Variants in FASN observed in about 807,000 individuals in gnomAD.
FASN encodes the protein fatty acid synthase.
FASN carries 50 observed loss-of-function variants against 250.0 expected under a neutral mutation model. The ratio of observed to expected loss-of-function variants is 0.20; its 90% CI spans 0.16 to 0.25. FASN has a LOEUF of 0.25. Ranked by LOEUF, FASN falls within the 10% of genes least tolerant of loss-of-function variation. The probability of loss-of-function intolerance (pLI) is 1.00; values close to 1 mark genes in which losing one functional copy is unlikely to be tolerated. For synonymous variants in FASN, 1,909 were observed against 1,584.0 expected, an observed-to-expected ratio of 1.21 and a Z score of -4.87; for missense variants, 3,031 against 3,498.5, an observed-to-expected ratio of 0.87 and a Z score of 3.37.
In FASN at chr17:82,089,722, C is replaced by G. The variant is rs777129558; in HGVS notation, c.1875G>C (p.Leu625Phe). 3.2e-6 allele frequency: 5 copies of G among 1,579,288 alleles called. No individual in the cohort carries two copies. The highest frequency in any genetic ancestry group is 4.3e-6 in the Non-Finnish European group (5 of 1,165,070). The change falls in exon 12 of 43, where the codon TTG becomes TTC. Residue 625 changes from leucine to phenylalanine, a missense_variant. Coordinates refer to ENST00000306749, the MANE Select transcript of FASN (RefSeq NM_004104.5). ...AGCGCTGTTTACACTCCTCCCAGGA[C>G]AAGCCTATGGCAGAGCCAGCCTCAG... ...LPPGAMAAVGLSWEECKQRCP... is the reference protein window; with the variant it reads ...LPPGAMAAVGFSWEECKQRCP...
chr17:82,079,899 G>A (rs891571084), intron 41 of FASN: 7 of 626,618 alleles, frequency 1.1e-5, no homozygotes, highest in Non-Finnish European at 1.9e-5. Flanking sequence ...GTAGAGAAGG[G>A]GTTTCTCCAC....
At chr17:82,086,874 G>C (rs1028841424) in intron 21 of FASN, among the ~76,000 whole-genome samples, 176 bp downstream of exon 21, 2 of 151,934 alleles carry the variant, frequency 1.3e-5, no homozygotes, top group African/African-American at 4.8e-5. Flanking sequence ...GACGAGGAAG[G>C]CTGGGGGCTG....
At chr17:82,092,334 G>T (rs2034226005) in intron 8 of FASN, 121 bp downstream of exon 8, 4 of 1,059,496 alleles carry the variant, frequency 3.8e-6, no homozygotes, top group Non-Finnish European at 4.2e-6. Context: ...GGGGACAGAG[G>T]CTCCTGGTGG....
At chr17:82,094,572 C>T (rs183557111) in intron 3 of FASN, among the ~76,000 whole-genome samples, 15 of 151,928 alleles carry the variant, frequency 9.9e-5, no homozygotes, top group Admixed American at 3.3e-4. Context: ...GGATGGATCA[C>T]GAGGTCAAGA....
At chr17:82,090,739 C>T (rs2034189933) in intron 10 of FASN, 143 bp downstream of exon 10, 2 of 1,119,258 alleles carry the variant, frequency 1.8e-6, no homozygotes, top group African/African-American at 3.1e-5. Flanking sequence ...CCCTCCTCCC[C>T]TCCCGTCCTG....
At position 82,090,941 on chromosome 17, in the gene FASN, T is replaced by C. The variant is rs2034193421; in HGVS notation, c.1621A>G (p.Thr541Ala). The C allele has an allele frequency of 5.0e-6, 8 of 1,612,642 alleles. No homozygotes were observed. The highest frequency in any genetic ancestry group is 1.3e-5 in the African/African-American group (1 of 75,050). The change falls in exon 10 of 43, where the codon ACA (threonine) becomes GCA (alanine). Residue 541 changes from threonine (T) to alanine (A), a missense_variant. By Grantham distance (58) the Thr-to-Ala change is moderately conservative (BLOSUM62 0). Coordinates refer to ENST00000306749, the MANE Select transcript of FASN (RefSeq NM_004104.5). ...GLKVSQLLLS[T>A]DESTFDDIVH... ...ATGTCATCAAAGGTGCTCTCGTCTGTGCTCAGCAGCAGCTGTGACACCTTC... is the reference window on the plus strand; with the variant it reads ...ATGTCATCAAAGGTGCTCTCGTCTGCGCTCAGCAGCAGCTGTGACACCTTC...
chr17:82,093,486 G>A (rs2034250148), intron 4 of FASN, 67 bp from the exon 5 acceptor site: 3 of 1,582,516 alleles, frequency 1.9e-6, no homozygotes, highest in South Asian at 2.3e-5. Flanking sequence ...CACACCTCCT[G>A]CCACCAGGCT....
At position 82,079,359 on chromosome 17, in the gene FASN, G is replaced by C; in HGVS notation, c.7396C>G (p.Gln2466Glu). 1 of 1,613,046 alleles carries C rather than the reference G, an allele frequency of 6.2e-7. No individual in the cohort carries two copies. The highest frequency in any genetic ancestry group is 2.2e-5 in the East Asian group (1 of 44,880). Residue 2466 changes from glutamine to glutamate, a missense_variant and splice_region_variant, in exon 42 of 43, where the codon CAG (glutamine) becomes GAG (glutamate). By Grantham distance (29) the Gln-to-Glu change is conservative. Transcript: ENST00000306749. ...EDLGADYNLSQVCDGKVSVHV... is the reference protein window; with the variant it reads ...EDLGADYNLSEVCDGKVSVHV... ...TTCCCGTCAGGCCCCTTGCGCACCT[G>C]GGAGAGGTTGTAGTCCGCGCCCAGG...
At chr17:82,094,167 C>A in intron 3 of FASN, 1 of 347,830 alleles carries the variant, frequency 2.9e-6, no homozygotes, top group Non-Finnish European at 5.6e-6. Flanking sequence ...GGCCAGTGGC[C>A]TCTCCAGCGC....
At position 82,084,889 on chromosome 17, in the gene FASN, C is replaced by T; in HGVS notation, c.4474G>A (p.Glu1492Lys). The change falls in exon 26 of 43, where the codon GAA (glutamate) becomes AAA (lysine). Residue 1492 changes from glutamate to lysine, a missense_variant. Glu to Lys is a moderately conservative substitution (Grantham distance 56). Coordinates refer to ENST00000306749, the MANE Select transcript of FASN (RefSeq NM_004104.5). Reference protein sequence around the residue: ...HVPEVDPGSAELQKVLQGDLV... With the variant: ...HVPEVDPGSAKLQKVLQGDLV... ...TCTCCCTGCAACACCTTCTGCAGTT[C>T]TGCGGAGCCCGGGTCCACCTCCGGG... 6.4e-7 allele frequency: 1 copy of T among 1,550,968 alleles called. No individual in the cohort carries two copies. The highest frequency in any genetic ancestry group is 1.2e-5 in the South Asian group (1 of 84,172).
At chr17:82,096,593 C>T (rs1349036721) in intron 1 of FASN, 141 bp from the exon 2 acceptor site, 14 of 1,329,182 alleles carry the variant, frequency 1.1e-5, no homozygotes, top group East Asian at 2.3e-5. Context: ...CCTGCGGCTC[C>T]CTTCCTCATG....
In FASN at chr17:82,088,472, G is replaced by A; in HGVS notation, c.2511C>T (p.Asp837=). Residue 837 remains aspartate (D), a synonymous_variant, in exon 16 of 43, where the codon GAC becomes GAT. Transcript: ENST00000306749. ...TPLISPLIKW[D]HSLAWDVPAA... ...CCGGCACGTCCCAGGCCAGGCTGTG[G>A]TCCCACTTGATGAGTGGGGAGATGA... The A allele has an allele frequency of 6.2e-7, 1 of 1,611,554 alleles. No individual in the cohort carries two copies. Among genetic ancestry groups the A allele is most frequent in the African/African-American group, 1.3e-5 (1 of 75,020 alleles).
Position 82,083,845 on chromosome 17 carries a change from G to C in FASN, c.5145C>G (p.Leu1715=), listed in dbSNP as rs369836055. The change falls in exon 30 of 43, where the codon CTC becomes CTG. Residue 1715 remains leucine, a synonymous_variant. Transcript: ENST00000306749. ...RAYLQARFPQ[L]DSTSFANSRD... The stretch of plus-strand genomic sequence containing the variant: ...GGGAGTTGGCGAAGCTGGTGCTGTC[G>C]AGCTGGGGGAACCTGGCCTGGAGGT... 1.3e-6 allele frequency: 2 copies of C among 1,596,986 alleles called. No individual in the cohort carries two copies. Among genetic ancestry groups the C allele is most frequent in the East Asian group, 4.5e-5 (2 of 44,404 alleles).
Position 82,078,890 on chromosome 17 carries a change from G to C in FASN, c.*253C>G. The C allele has an allele frequency of 3.4e-6, 2 of 584,528 alleles. No homozygotes were observed. The highest frequency in any genetic ancestry group is 6.1e-6 in the Non-Finnish European group (2 of 329,058). The allele number at this position is 584,528 out of a possible 1,614,324, so 36.2% of individuals were successfully genotyped here. ...CACGAGGCCCAGCCCAGTTCCTGCG[G>C]GCACGGGCACCACCGGCTCTTCACA... On this transcript the variant is annotated 3_prime_UTR_variant, in exon 43 of 43. Coordinates refer to ENST00000306749, the MANE Select transcript of FASN (RefSeq NM_004104.5). This position sits in a 1 kb window ranked among gnomAD's most constrained non-coding sequence, Gnocchi z 5.4.
At chr17:82,083,927 G>T (rs1204631222) in intron 29 of FASN, 36 bp from the exon 30 acceptor site, 8 of 1,550,804 alleles carry the variant, frequency 5.2e-6, no homozygotes, top group Non-Finnish European at 6.1e-6. Flanking sequence ...GTGAGCCAGG[G>T]CGGCGGGGCC....
intron 29 of FASN, 40 bp from the exon 30 acceptor site, chr17:82,083,931 C>T (rs1369077362): frequency 1.4e-5 from 22 of 1,549,480 alleles, no homozygotes; most frequent in Admixed American, 5.9e-5. Flanking sequence ...GCCAGGGCGG[C>T]GGGGCCAGGA....
rs541707486 is a variant in FASN, at chr17:82,085,677, G to A, written c.3927C>T (p.Ser1309=). 9 of 1,576,522 alleles carry A rather than the reference G, an allele frequency of 5.7e-6. No homozygotes were observed. The highest frequency in any genetic ancestry group is 4.1e-5 in the African/African-American group (3 of 74,044). The part of the protein sequence containing the change: ...PADPAPSALG[S]ADLLVCNCAV... ...CACAGTTGCACACCAGGAGGTCGGCGCTGCCCAGGGCGCTGGGGGCAGGGT... is the reference window on the plus strand; with the variant it reads ...CACAGTTGCACACCAGGAGGTCGGCACTGCCCAGGGCGCTGGGGGCAGGGT... Residue 1309 remains serine, a synonymous_variant, in exon 23 of 43, where the codon AGC becomes AGT. Coordinates refer to ENST00000306749, the MANE Select transcript of FASN (RefSeq NM_004104.5).
At chr17:82,082,853 G>A in intron 33 of FASN, 61 bp downstream of exon 33, 1 of 1,591,744 alleles carries the variant, frequency 6.3e-7, no homozygotes, top group Non-Finnish European at 8.6e-7. Flanking sequence ...GCAGAGAAGG[G>A]CTCAGGGGCC....
At position 82,085,671 on chromosome 17, in the gene FASN, G is replaced by A. The variant is rs765403152; in HGVS notation, c.3933C>T (p.Asp1311=). The A allele has an allele frequency of 1.3e-5, 21 of 1,582,336 alleles. No individual in the cohort carries two copies. In the African/African-American group the frequency reaches 1.5e-4, roughly 11 times the overall value. Residue 1311 remains aspartate, a synonymous_variant, in exon 23 of 43, where the codon GAC becomes GAT. Transcript: ENST00000306749. ...DPAPSALGSA[D]LLVCNCAVAA... ...CCACAGCACAGTTGCACACCAGGAGGTCGGCGCTGCCCAGGGCGCTGGGGG... is the reference window on the plus strand; with the variant it reads ...CCACAGCACAGTTGCACACCAGGAGATCGGCGCTGCCCAGGGCGCTGGGGG...
Sources: gnomAD v4.1 joint callset for allele counts (sites outside exome capture counted in the v4.1 genomes callset) on GRCh38, gnomAD v4.1.1 for gene constraint, Gnocchi (gnomAD v3.1) non-coding constraint, MANE v1.5 for transcripts, NCBI Gene and HGNC (gene_info 2026-07-23, HGNC 2026-07-21) for gene names.